The following PPP1R8 variants were observed in gnomAD, a reference collection of about 807,000 sequenced individuals.
PPP1R8 encodes the protein nuclear inhibitor of protein phosphatase 1.
In PPP1R8, 4 loss-of-function variants were observed where a neutral mutation model predicts 31.3. The observed-to-expected ratio is 0.13, with a 90% CI of 0.06 to 0.29. The LOEUF (loss-of-function observed/expected upper bound fraction) is 0.29, where lower values mean the gene tolerates loss of function less well. Ranked by LOEUF, PPP1R8 falls within the 10% of genes least tolerant of loss-of-function variation. The pLI, the probability that PPP1R8 is intolerant of heterozygous loss-of-function variation, is 1.00. For missense variants in PPP1R8, 254 were observed against 440.1 expected (o/e 0.58, Z 3.78); for synonymous variants, 170 against 169.7 (o/e 1.00, Z -0.01).
At chr1:27,842,470 A>G (rs962155072) in intron 4 of PPP1R8, among the ~76,000 whole-genome samples, 1 of 152,052 alleles carries the variant, frequency 6.6e-6, no homozygotes, top group African/African-American at 2.4e-5. Context: ...GGCTGCTGCT[A>G]TACTTCCATG....
At position 27,848,342 on chromosome 1, in the gene PPP1R8, T is replaced by C. The variant is rs182348638; in HGVS notation, c.702+1250T>C. ...ATGGCGTGAACCCGGGGGGCAGAGC[T>C]TGCAGTGAGCCGAGATCACACCACT... On this transcript the variant is annotated intron_variant, in intron 6 of 6. Coordinates refer to ENST00000311772, the MANE Select transcript of PPP1R8 (RefSeq NM_014110.5). Among the ~76,000 whole-genome samples the C allele has an allele frequency of 5.3e-5, 8 of 151,088 alleles. No individual in the cohort carries two copies. In the East Asian group the frequency reaches 1.6e-3, roughly 30 times the overall value.
intron 2 of PPP1R8, among the ~76,000 whole-genome samples, chr1:27,833,881 G>A (rs2089136238): frequency 6.6e-6 from 1 of 152,298 alleles, no homozygotes; most frequent in South Asian, 2.1e-4. Flanking sequence ...GCATGCACGA[G>A]TTTTAATGAT....
chr1:27,834,928 G>A (rs1052320010), intron 2 of PPP1R8, among the ~76,000 whole-genome samples: 7 of 152,138 alleles, frequency 4.6e-5, no homozygotes, highest in Non-Finnish European at 1.0e-4. Flanking sequence ...TGAGGCAGGA[G>A]AATCGCTTGA....
intron 1 of PPP1R8, among the ~76,000 whole-genome samples, chr1:27,831,889 CT>C (rs2089112821): frequency 6.6e-6 from 1 of 152,114 alleles, no homozygotes; most frequent in African/African-American, 2.4e-5. Context: ...TGAGGTGGTT[CT>C]TTTTTCTAAC....
In PPP1R8 at chr1:27,851,271, T is replaced by G; in HGVS notation, c.*825T>G. 3.4e-6 allele frequency: 1 copy of G among 293,724 alleles called. No homozygotes were observed. The highest frequency in any genetic ancestry group is 8.2e-5 in the East Asian group (1 of 12,176). The allele number at this position is 293,724 out of a possible 1,614,324, so 18.2% of individuals were successfully genotyped here. On this transcript the variant is annotated 3_prime_UTR_variant, in exon 7 of 7. Transcript: ENST00000311772. ...TTCAAATTAAAAAGGAAAAGATTTG[T>G]TTGGAAGTAACTGGTGTCTCTAAGA...
At chr1:27,831,732 C>CT (rs2089110677) in intron 1 of PPP1R8, among the ~76,000 whole-genome samples, 1 of 152,122 alleles carries the variant, frequency 6.6e-6, no homozygotes, top group Admixed American at 6.5e-5. Context: ...AACATTCCTC[C>CT]TTTTTCCTGG....
At chr1:27,831,039 G>A (rs2089097326) in intron 1 of PPP1R8, 148 bp downstream of exon 1, 3 of 1,395,792 alleles carry the variant, frequency 2.1e-6, no homozygotes, top group Non-Finnish European at 2.8e-6. Flanking sequence ...GCACCGGGCC[G>A]GGCGACGTGT....
chr1:27,840,161 G>A (rs1324294247), intron 3 of PPP1R8, among the ~76,000 whole-genome samples: 1 of 152,160 alleles, frequency 6.6e-6, no homozygotes, highest in African/African-American at 2.4e-5. Context: ...ATAATCCACA[G>A]AAATGCAATT....
chr1:27,839,975 G>A (rs1038664723), intron 3 of PPP1R8, among the ~76,000 whole-genome samples: 2 of 152,002 alleles, frequency 1.3e-5, no homozygotes, highest in Non-Finnish European at 2.9e-5. Context: ...TGGGAGGATC[G>A]TTTGAGCCCA....
Position 27,850,227 on chromosome 1 carries a change from T to G in PPP1R8, c.837T>G (p.His279Gln). 6.2e-7 allele frequency: 1 copy of G among 1,614,238 alleles called. No homozygotes were observed. Among genetic ancestry groups the G allele is most frequent in the Non-Finnish European group, 8.5e-7 (1 of 1,180,048 alleles). ...PTHSEAGSQP[H>Q]GIHGTALIGG... ...ACAGTGAAGCAGGCTCCCAGCCACATGGCATCCATGGGACAGCACTCATCG... is the reference window on the plus strand; with the variant it reads ...ACAGTGAAGCAGGCTCCCAGCCACAGGGCATCCATGGGACAGCACTCATCG... The change falls in exon 7 of 7, where the codon CAT becomes CAG. Residue 279 changes from histidine (H) to glutamine (Q), a missense_variant. Physicochemically the swap from His to Gln is conservative, Grantham distance 24 (BLOSUM62 0). Around this residue, in one of 6 missense-constraint regions of PPP1R8, gnomAD observed 105 missense variants for 128.0 expected, o/e 0.82. Coordinates refer to ENST00000311772, the MANE Select transcript of PPP1R8 (RefSeq NM_014110.5).
chr1:27,838,597 T>A (rs1250483533), intron 2 of PPP1R8, 102 bp from the exon 3 acceptor site: 1 of 729,700 alleles, frequency 1.4e-6, no homozygotes, highest in East Asian at 3.1e-5. Context: ...CTCAATCTAA[T>A]GGAAAGGAAT....
intron 1 of PPP1R8, chr1:27,831,451 T>TAA (rs748394631): frequency 1.5e-4 from 112 of 740,630 alleles, no homozygotes; most frequent in Non-Finnish European, 1.7e-4. Context: ...GAACCCTTTT[T>TAA]ATCCCTTCGA....
chr1:27,843,150 C>T (rs1222668616), intron 4 of PPP1R8, 36 bp from the exon 5 acceptor site: 1 of 1,613,058 alleles, frequency 6.2e-7, no homozygotes, highest in South Asian at 1.1e-5. Flanking sequence ...TCCCTTTGTA[C>T]TGACTGCTGT....
At chr1:27,845,974 T>C (rs1055005718) in intron 5 of PPP1R8, among the ~76,000 whole-genome samples, 2 of 151,764 alleles carry the variant, frequency 1.3e-5, no homozygotes, top group Admixed American at 1.3e-4. Context: ...TATTTTTTAG[T>C]AGAGACGGAG....
intron 5 of PPP1R8, among the ~76,000 whole-genome samples, chr1:27,843,951 CAA>C (rs1275313163): frequency 6.6e-6 from 1 of 151,960 alleles, no homozygotes. Flanking sequence ...AGACTGTCTC[CAA>C]AAAAGAGTTT....
At chr1:27,835,912 A>T (rs886311489) in intron 2 of PPP1R8, among the ~76,000 whole-genome samples, 5 of 152,250 alleles carry the variant, frequency 3.3e-5, no homozygotes, top group African/African-American at 1.2e-4. Context: ...ATGAAATGAT[A>T]TAATGTAAAA....
chr1:27,848,427 A>C (rs191736910), intron 6 of PPP1R8, among the ~76,000 whole-genome samples: 51 of 152,244 alleles, frequency 3.3e-4, no homozygotes, highest in Non-Finnish European at 3.8e-4. Context: ...TATGTTGAAG[A>C]ACCAAGGGGT....
rs542837439 is a variant in PPP1R8, at chr1:27,851,553, C to T, written c.*1107C>T. 4.0e-6 allele frequency: 2 copies of T among 506,286 alleles called. No individual in the cohort carries two copies. Among genetic ancestry groups the T allele is most frequent in the Non-Finnish European group, 7.9e-6 (2 of 253,462 alleles). 31.4% of individuals were successfully genotyped at this position (506,286 alleles called of 1,614,324 possible). On this transcript the variant is annotated 3_prime_UTR_variant, in exon 7 of 7. Coordinates refer to ENST00000311772, the MANE Select transcript of PPP1R8 (RefSeq NM_014110.5). The stretch of plus-strand genomic sequence containing the variant: ...ATTTGGGTGCAGGCTGTGAATTTGT[C>T]TCTCAGTCACTGATTGCCACTGCCA...
At chr1:27,840,094 T>G (rs1219951080) in intron 3 of PPP1R8, among the ~76,000 whole-genome samples, 1 of 152,198 alleles carries the variant, frequency 6.6e-6, no homozygotes, top group Non-Finnish European at 1.5e-5. Flanking sequence ...TAAGTATTAA[T>G]TAATTGAAGT....
Sources: gnomAD v4.1 joint callset for allele counts (sites outside exome capture counted in the v4.1 genomes callset) on GRCh38, gnomAD v4.1.1 for gene constraint, gnomAD v4.1.1 regional missense constraint, MANE v1.5 for transcripts, NCBI Gene and HGNC (gene_info 2026-07-23, HGNC 2026-07-21) for gene names.